HTR2C: variants seen among roughly 807,000 people sequenced by gnomAD.
HTR2C encodes 5-hydroxytryptamine (serotonin) receptor 2C, G protein-coupled.
HTR2C carries 5 observed loss-of-function variants against 21.0 expected under a neutral mutation model. That is an observed-to-expected ratio of 0.24 (90% CI 0.12 to 0.50). HTR2C has a LOEUF of 0.50. Ranked by LOEUF, HTR2C falls within the 20% of genes least tolerant of loss-of-function variation. HTR2C has a pLI of 0.98. For missense variants in HTR2C, 271 were observed against 371.2 expected, an observed-to-expected ratio of 0.73 and a Z score of 2.22; for synonymous variants, 150 against 145.3, an observed-to-expected ratio of 1.03 and a Z score of -0.23.
intron 1 of HTR2C, among the ~76,000 whole-genome samples, chrX:114,613,397 C>A (rs1033742500): frequency 2.7e-5 from 3 of 111,320 alleles, no homozygotes; most frequent in Non-Finnish European, 3.8e-5. Flanking sequence ...GTGAGGACGA[C>A]CAGAGGTCAC....
At chrX:114,783,952 G>C (rs782224999) in intron 4 of HTR2C, among the ~76,000 whole-genome samples, 2 of 109,607 alleles carry the variant, frequency 1.8e-5, no homozygotes, top group Non-Finnish European at 3.8e-5. Context: ...AAAATTATCA[G>C]GCTTAAATGC....
At chrX:114,657,382 A>G (rs1214840760) in intron 2 of HTR2C, among the ~76,000 whole-genome samples, 1 of 110,921 alleles carries the variant, frequency 9.0e-6, no homozygotes, top group Non-Finnish European at 1.9e-5. Flanking sequence ...GAAGGTGACT[A>G]CTTTTCTATT....
chrX:114,778,262 CTT>C (rs1161993652), intron 4 of HTR2C, among the ~76,000 whole-genome samples: 2 of 111,377 alleles, frequency 1.8e-5, no homozygotes, highest in African/African-American at 6.5e-5. Context: ...TAAATGACCT[CTT>C]ATTTCTAAAT....
intron 4 of HTR2C, among the ~76,000 whole-genome samples, chrX:114,798,745 A>G (rs2070318197): frequency 2.7e-5 from 1 of 36,469 alleles, no homozygotes; most frequent in South Asian, 2.8e-3. Flanking sequence ...ATACTACTTA[A>G]CCATAATATG....
chrX:114,651,126 G>T (rs1930554449), intron 2 of HTR2C, among the ~76,000 whole-genome samples: 1 of 111,914 alleles, frequency 8.9e-6, no homozygotes, highest in Non-Finnish European at 1.9e-5. Context: ...TAACTGACTT[G>T]TTCAAAGACA....
intron 4 of HTR2C, among the ~76,000 whole-genome samples, chrX:114,807,794 TC>T (rs2070492812): frequency 9.2e-6 from 1 of 109,167 alleles, no homozygotes; most frequent in African/African-American, 3.3e-5. Context: ...TGCCTCAGCC[TC>T]CCCAGTAGCT....
At chrX:114,802,483 G>C (rs782398771) in intron 4 of HTR2C, among the ~76,000 whole-genome samples, 1 of 110,961 alleles carries the variant, frequency 9.0e-6, no homozygotes, top group East Asian at 2.9e-4. Flanking sequence ...GTGCCACAGA[G>C]TTTTACAATT....
chrX:114,874,154 G>A (rs1246163049), intron 5 of HTR2C, among the ~76,000 whole-genome samples: 2 of 111,163 alleles, frequency 1.8e-5, no homozygotes, highest in African/African-American at 6.5e-5. Flanking sequence ...GTGTGTGTGT[G>A]TGTGTCATAT....
At chrX:114,896,694 A>G (rs980076706) in intron 5 of HTR2C, among the ~76,000 whole-genome samples, 1 of 112,054 alleles carries the variant, frequency 8.9e-6, no homozygotes, top group Admixed American at 9.5e-5. Flanking sequence ...TACAATATAT[A>G]ATTTTCCATA....
chrX:114,676,714 CT>C (rs1230879385), intron 2 of HTR2C, among the ~76,000 whole-genome samples: 2 of 112,362 alleles, frequency 1.8e-5, no homozygotes, highest in South Asian at 7.2e-4. Context: ...GTTATTATTG[CT>C]CTATGACACT....
intron 4 of HTR2C, among the ~76,000 whole-genome samples, chrX:114,828,451 CT>C (rs1185067727): frequency 4.5e-5 from 5 of 111,313 alleles, no homozygotes; most frequent in African/African-American, 1.6e-4. Context: ...CTTTGATTCT[CT>C]TTTTCCTTAA....
intron 4 of HTR2C, among the ~76,000 whole-genome samples, chrX:114,765,363 A>G (rs1033134512): frequency 3.6e-5 from 4 of 111,396 alleles, no homozygotes; most frequent in Non-Finnish European, 3.8e-5. Context: ...GCTAACTTTA[A>G]TTGAACACTT....
chrX:114,625,027 C>T (rs1929322474), intron 2 of HTR2C, among the ~76,000 whole-genome samples: 1 of 111,575 alleles, frequency 9.0e-6, no homozygotes, highest in African/African-American at 3.3e-5. Context: ...TTACATAAAA[C>T]CTCCAAATTT....
rs1331710120 is a variant in HTR2C at position 114,806,641 on chromosome X, T to C, written c.350-41362T>C. ...CACCATATATATACCATATATACAC[T>C]ATATATACCATATATATACACTATA... On this transcript the variant is annotated intron_variant, in intron 4 of 5. Coordinates refer to ENST00000276198, the MANE Select transcript of HTR2C (RefSeq NM_000868.4). Among the ~76,000 whole-genome samples the C allele has an allele frequency of 5.1e-5, 5 of 97,639 alleles. No homozygotes were observed. The East Asian group carries it at 9.6e-4, about 19-fold the overall frequency. 84.8% of individuals were successfully genotyped at this position (97,639 alleles called of 115,157 possible).
intron 2 of HTR2C, among the ~76,000 whole-genome samples, chrX:114,658,059 ATT>A (rs35624315): frequency 9.2e-6 from 1 of 108,499 alleles, no homozygotes; most frequent in Non-Finnish European, 1.9e-5. Context: ...GAGTAAAACA[ATT>A]TTTTTTTGTT....
In HTR2C at chrX:114,665,285, T is replaced by G. The variant is rs1043359656; in HGVS notation, c.-80+51404T>G. 3.6e-5 allele frequency among the ~76,000 whole-genome samples: 4 copies of G among 112,057 alleles called. No individual in the cohort carries two copies. The South Asian group carries it at 1.5e-3, about 42-fold the overall frequency. ...AGGATCTGTCTGCTTCCTTAGAGTT[T>G]CAATTTGATTATTTGGCCTTTGGCA... On this transcript the variant is annotated intron_variant, in intron 2 of 5. Transcript: ENST00000276198.
chrX:114,682,177 C>A (rs1392764297), intron 2 of HTR2C, among the ~76,000 whole-genome samples: 2 of 110,765 alleles, frequency 1.8e-5, no homozygotes, highest in African/African-American at 6.5e-5. Flanking sequence ...AACAGGCTGA[C>A]AATTTTCTTT....
intron 4 of HTR2C, among the ~76,000 whole-genome samples, chrX:114,792,730 A>G (rs1052908951): frequency 8.9e-6 from 1 of 111,773 alleles, no homozygotes; most frequent in Non-Finnish European, 1.9e-5. Context: ...TTTCATTCCC[A>G]CCAACAGTGT....
Position 114,897,940 on chromosome X carries a change from T to C in HTR2C, c.551-8649T>C, listed in dbSNP as rs375368004. 1.9e-4 allele frequency among the ~76,000 whole-genome samples: 21 copies of C among 112,472 alleles called. No homozygotes were observed. In the East Asian group the frequency reaches 2.8e-3, roughly 15 times the overall value. ...TATACCCAGTAATGGGATTGCTGTGTTGAGTGGTATTTCTGCCTCTGGGTC... is the reference window on the plus strand; with the variant it reads ...TATACCCAGTAATGGGATTGCTGTGCTGAGTGGTATTTCTGCCTCTGGGTC... On this transcript the variant is annotated intron_variant, in intron 5 of 5. Coordinates refer to ENST00000276198, the MANE Select transcript of HTR2C (RefSeq NM_000868.4).
Sources: gnomAD v4.1 joint callset for allele counts (sites outside exome capture counted in the v4.1 genomes callset) on GRCh38, gnomAD v4.1.1 for gene constraint, MANE v1.5 for transcripts, NCBI Gene and HGNC (gene_info 2026-07-23, HGNC 2026-07-21) for gene names.